The following PPFIA2 variants were observed in gnomAD, a reference collection of about 807,000 sequenced individuals.
The protein encoded by PPFIA2 is PPFI scaffold protein A2, also known as liprin-alpha-2.
Under a neutral mutation model 175.5 loss-of-function variants are expected in PPFIA2, and 46 were observed. The ratio of observed to expected loss-of-function variants is 0.26; its 90% CI spans 0.21 to 0.34. The LOEUF (loss-of-function observed/expected upper bound fraction) is 0.34, where lower values mean the gene tolerates loss of function less well. Ranked by LOEUF, PPFIA2 falls within the 10% of genes least tolerant of loss-of-function variation. The pLI, the probability that PPFIA2 is intolerant of heterozygous loss-of-function variation, is 1.00. For synonymous variants in PPFIA2, 568 were observed against 511.4 expected (o/e 1.11, Z -1.49); for missense variants, 1,179 against 1,506.1 (o/e 0.78, Z 3.60).
At chr12:81,693,849 G>A (rs1596461180) in intron 3 of PPFIA2, among the ~76,000 whole-genome samples, 1 of 152,136 alleles carries the variant, frequency 6.6e-6, no homozygotes, top group Non-Finnish European at 1.5e-5. Context: ...TACAGGAACT[G>A]GAGCAAAGTT....
intron 22 of PPFIA2, among the ~76,000 whole-genome samples, chr12:81,309,705 A>G (rs187907766): frequency 6.6e-6 from 1 of 152,242 alleles, no homozygotes; most frequent in East Asian, 1.9e-4. Context: ...ATTCATTCAT[A>G]TTTAAACCGT....
intron 4 of PPFIA2, among the ~76,000 whole-genome samples, chr12:81,471,780 C>A (rs1358058215): frequency 6.6e-6 from 1 of 152,076 alleles, no homozygotes; most frequent in African/African-American, 2.4e-5. Context: ...ATATGGGTTT[C>A]AATTTCTCCA....
intron 4 of PPFIA2, among the ~76,000 whole-genome samples, chr12:81,559,696 G>A (rs1197505606): frequency 6.6e-6 from 1 of 151,916 alleles, no homozygotes; most frequent in Non-Finnish European, 1.5e-5. Context: ...TTTATATTTA[G>A]GTGAGATCTT....
At chr12:81,665,380 C>A (rs1466600841) in intron 4 of PPFIA2, among the ~76,000 whole-genome samples, 1 of 151,992 alleles carries the variant, frequency 6.6e-6, no homozygotes, top group Non-Finnish European at 1.5e-5. Flanking sequence ...ATGCTTCCCA[C>A]ATTTGTAACA....
intron 3 of PPFIA2, among the ~76,000 whole-genome samples, chr12:81,678,297 T>G (rs2153572248): frequency 6.6e-6 from 1 of 151,884 alleles, no homozygotes; most frequent in East Asian, 1.9e-4. Flanking sequence ...TTAAGAGGAC[T>G]TATGCTACTA....
At chr12:81,314,545 AT>A (rs927308718) in intron 22 of PPFIA2, among the ~76,000 whole-genome samples, 27 of 152,034 alleles carry the variant, frequency 1.8e-4, no homozygotes, top group Admixed American at 9.2e-4. Flanking sequence ...ACATCAGCAT[AT>A]ATTCAGTCAG....
chr12:81,466,585 A>G (rs777477556), intron 4 of PPFIA2, among the ~76,000 whole-genome samples: 1 of 151,964 alleles, frequency 6.6e-6, no homozygotes, highest in Non-Finnish European at 1.5e-5. Context: ...GTGGACACCA[A>G]TTTCTCAATG....
intron 4 of PPFIA2, among the ~76,000 whole-genome samples, chr12:81,642,633 C>CTATTATATACATACATGTATA (rs2065138502): frequency 4.9e-5 from 1 of 20,228 alleles, no homozygotes; most frequent in African/African-American, 2.6e-4. Context: ...TACTATATAT[C>CTATTATATACATACATGTATA]TATTATATAC....
chr12:81,493,783 T>G (rs939840702), intron 4 of PPFIA2, among the ~76,000 whole-genome samples: 6 of 135,968 alleles, frequency 4.4e-5, no homozygotes, highest in African/African-American at 1.7e-4. Context: ...TATATATATA[T>G]ATATACACAT....
At chr12:81,677,570 G>A (rs1192556772) in intron 3 of PPFIA2, among the ~76,000 whole-genome samples, 1 of 151,520 alleles carries the variant, frequency 6.6e-6, no homozygotes, top group Non-Finnish European at 1.5e-5. Context: ...TTTTTTTATA[G>A]CTCTTACATA....
At chr12:81,676,333 T>C (rs948389347) in intron 4 of PPFIA2, among the ~76,000 whole-genome samples, 1 of 151,992 alleles carries the variant, frequency 6.6e-6, no homozygotes, top group African/African-American at 2.4e-5. Flanking sequence ...TTATAATTCA[T>C]AGAAACTTTA....
At chr12:81,282,839 C>A (rs775091440) in intron 26 of PPFIA2, 171 bp downstream of exon 26, 17 of 450,470 alleles carry the variant, frequency 3.8e-5, no homozygotes, top group Non-Finnish European at 6.4e-5. Flanking sequence ...AATATGGTAA[C>A]TTAAAAAGAC....
intron 7 of PPFIA2, among the ~76,000 whole-genome samples, chr12:81,407,387 C>T (rs1473737046): frequency 6.6e-6 from 1 of 151,640 alleles, no homozygotes; most frequent in South Asian, 2.1e-4. Flanking sequence ...GGAGGCTGAG[C>T]CAGGAGAATC....
chr12:81,530,722 C>T (rs1022104131), intron 4 of PPFIA2, among the ~76,000 whole-genome samples: 8 of 149,884 alleles, frequency 5.3e-5, no homozygotes, highest in African/African-American at 9.9e-5. Context: ...CCTGGATAAG[C>T]CCAGAGAAAA....
chr12:81,522,795 T>C (rs1021129506), intron 4 of PPFIA2, among the ~76,000 whole-genome samples: 50 of 152,200 alleles, frequency 3.3e-4, no homozygotes, highest in African/African-American at 1.2e-3. Flanking sequence ...GCAAAAACTT[T>C]ATTTAGAGTG....
chr12:81,312,389 G>T, intron 22 of PPFIA2: 1 of 555,728 alleles, frequency 1.8e-6, no homozygotes, highest in Admixed American at 3.0e-5. Flanking sequence ...TCTAATAGTT[G>T]ACCAATAAGT....
intron 4 of PPFIA2, among the ~76,000 whole-genome samples, chr12:81,645,503 C>T (rs9804711): frequency 1.1e-3 from 166 of 152,066 alleles, no homozygotes; most frequent in African/African-American, 3.8e-3. Flanking sequence ...ATTTCTACTT[C>T]GGATGTAAAA....
intron 7 of PPFIA2, among the ~76,000 whole-genome samples, chr12:81,434,244 A>G (rs1328692461): frequency 2.0e-5 from 3 of 152,098 alleles, no homozygotes; most frequent in African/African-American, 7.2e-5. Flanking sequence ...TTGTTAACAT[A>G]TATTAATATA....
At chr12:81,506,452 A>G (rs1266375108) in intron 4 of PPFIA2, among the ~76,000 whole-genome samples, 1 of 152,212 alleles carries the variant, frequency 6.6e-6, no homozygotes, top group Non-Finnish European at 1.5e-5. Flanking sequence ...TCTCTATTAG[A>G]ATATAAATTC....
Sources: gnomAD v4.1 joint callset for allele counts (sites outside exome capture counted in the v4.1 genomes callset) on GRCh38, gnomAD v4.1.1 for gene constraint, MANE v1.5 for transcripts, NCBI Gene and HGNC (gene_info 2026-07-23, HGNC 2026-07-21) for gene names.